The following RNF17 variants were observed in gnomAD, a reference collection of about 807,000 sequenced individuals.
The protein encoded by RNF17 is spermatogenesis associated 23.
Under a neutral mutation model 200.5 loss-of-function variants are expected in RNF17, and 31 were observed. The ratio of observed to expected loss-of-function variants is 0.15; its 90% CI spans 0.12 to 0.21. The LOEUF (loss-of-function observed/expected upper bound fraction) is 0.21, where lower values mean the gene tolerates loss of function less well. RNF17 is among the 10% of genes least tolerant of loss of function. RNF17 has a pLI of 1.00. For missense variants in RNF17, 1,628 were observed against 1,905.1 expected, an observed-to-expected ratio of 0.85 and a Z score of 2.71; for synonymous variants, 606 against 637.8, an observed-to-expected ratio of 0.95 and a Z score of 0.75.
At chr13:24,886,194 T>C in the RNF17 span, 4 of 676,876 alleles carry the variant, frequency 5.9e-6, no homozygotes, top group Non-Finnish European at 9.3e-6. Flanking sequence ...TGCCAGTATT[T>C]TCATCCTATG....
chr13:24,801,045 C>T (rs1885192340), intron 13 of RNF17, among the ~76,000 whole-genome samples: 2 of 152,216 alleles, frequency 1.3e-5, no homozygotes, highest in South Asian at 2.1e-4. Context: ...TCGTTGTATT[C>T]CCAGCATTTA....
At chr13:24,884,258 ACAGT>A (rs1953943952), downstream of RNF17, 1 of 1,614,126 alleles carries the variant, frequency 6.2e-7, no homozygotes, top group South Asian at 1.1e-5. Flanking sequence ...GTAAAGACAC[ACAGT>A]CAGTCTGCCT....
At chr13:24,834,182 G>C (rs1355670722) in intron 18 of RNF17, among the ~76,000 whole-genome samples, 2 of 151,856 alleles carry the variant, frequency 1.3e-5, no homozygotes, top group Non-Finnish European at 2.9e-5. Flanking sequence ...AGAGGCGGGT[G>C]GATCACCTGA....
chr13:24,861,073 C>T (rs921898228), intron 26 of RNF17, among the ~76,000 whole-genome samples, 195 bp from the exon 27 acceptor site: 3 of 151,944 alleles, frequency 2.0e-5, no homozygotes, highest in Non-Finnish European at 4.4e-5. Flanking sequence ...GAGATGGGGT[C>T]TTGCCGTGTT....
At chr13:24,849,510 A>C (rs561091665) in intron 22 of RNF17, among the ~76,000 whole-genome samples, 1 of 152,196 alleles carries the variant, frequency 6.6e-6, no homozygotes, top group Admixed American at 6.5e-5. Flanking sequence ...GTGGCCCAAA[A>C]TAATTCTTCC....
At chr13:24,787,877 A>G in intron 6 of RNF17, 111 bp from the exon 7 acceptor site, 1 of 744,478 alleles carries the variant, frequency 1.3e-6, no homozygotes, top group Non-Finnish European at 2.1e-6. Context: ...ATTTAACCAT[A>G]TTATGTAAAA....
At chr13:24,756,234 A>G in the RNF17 span, among the ~76,000 whole-genome samples, 2 of 152,202 alleles carry the variant, frequency 1.3e-5, no homozygotes, top group African/African-American at 4.8e-5. Context: ...AGACATTATT[A>G]GCTAACTGAT....
downstream of RNF17, chr13:24,883,091 CAAT>C (rs747303248): frequency 1.8e-4 from 218 of 1,216,708 alleles, 2 homozygotes; most frequent in Middle Eastern, 5.9e-4. Context: ...CACACATACA[CAAT>C]AAATTAAACA....
intron 15 of RNF17, among the ~76,000 whole-genome samples, chr13:24,823,962 G>A (rs534129030): frequency 5.3e-5 from 8 of 152,244 alleles, no homozygotes; most frequent in Admixed American, 2.6e-4. Flanking sequence ...GGTATCTCCC[G>A]GACTTAGGAT....
At chr13:24,762,617 A>T (rs1167586753), upstream of RNF17, among the ~76,000 whole-genome samples, 2 of 152,154 alleles carry the variant, frequency 1.3e-5, no homozygotes, top group Admixed American at 1.3e-4. Context: ...AATTACAAAG[A>T]TTTTTGAGCC....
intron 7 of RNF17, among the ~76,000 whole-genome samples, chr13:24,788,941 G>A (rs1883483976): frequency 6.6e-6 from 1 of 152,092 alleles, no homozygotes; most frequent in Non-Finnish European, 1.5e-5. Flanking sequence ...AGGTGTCCCA[G>A]GCTTTAGTTC....
At chr13:24,886,365 T>C in the RNF17 span, 3 of 1,289,084 alleles carry the variant, frequency 2.3e-6, no homozygotes, top group Non-Finnish European at 3.0e-6. Flanking sequence ...CTGCTGGGCG[T>C]GTGAGGCGGC....
intron 18 of RNF17, among the ~76,000 whole-genome samples, chr13:24,839,051 A>G (rs986372724): frequency 6.6e-6 from 1 of 152,164 alleles, no homozygotes; most frequent in Non-Finnish European, 1.5e-5. Flanking sequence ...GAATCAAATC[A>G]AGAACTCAAC....
chr13:24,853,157 T>C (rs1216511907), intron 24 of RNF17, among the ~76,000 whole-genome samples: 9 of 152,112 alleles, frequency 5.9e-5, no homozygotes, highest in Non-Finnish European at 1.0e-4. Context: ...CAGGTGATCT[T>C]CCTGCCTCAG....
chr13:24,868,427 G>A (rs554936881), intron 30 of RNF17, among the ~76,000 whole-genome samples, 173 bp from the exon 31 acceptor site: 32 of 113,924 alleles, frequency 2.8e-4, no homozygotes, highest in Admixed American at 1.7e-3. Flanking sequence ...CCGAGATCCC[G>A]CCACTGCACT....
chr13:24,852,366 C>T (rs1310824583), intron 24 of RNF17, among the ~76,000 whole-genome samples: 4 of 152,088 alleles, frequency 2.6e-5, no homozygotes, highest in Non-Finnish European at 4.4e-5. Flanking sequence ...CCTCGATCTC[C>T]TGACCTCGTG....
chr13:24,790,021 AAC>A (rs1282593287), intron 9 of RNF17, among the ~76,000 whole-genome samples: 1 of 152,170 alleles, frequency 6.6e-6, no homozygotes, highest in Non-Finnish European at 1.5e-5. Flanking sequence ...GCTAGGCACT[AAC>A]ACCCTAGATA....
At chr13:24,759,665 A>G (rs1157864641), upstream of RNF17, among the ~76,000 whole-genome samples, 3 of 152,218 alleles carry the variant, frequency 2.0e-5, no homozygotes, top group Non-Finnish European at 4.4e-5. Context: ...AATGGGCAGA[A>G]ATCTCAGAAG....
Position 24,870,888 on chromosome 13 carries a change from A to G in RNF17, c.4447+149A>G, listed in dbSNP as rs1345797287. The G allele has an allele frequency of 1.1e-5, 6 of 567,260 alleles. No individual in the cohort carries two copies. The East Asian group carries it at 1.5e-4, about 14-fold the overall frequency. 35.1% of individuals were successfully genotyped at this position (567,260 alleles called of 1,614,324 possible). The stretch of plus-strand genomic sequence containing the variant: ...ATTTCCTGTAATCCTCAAGATACCC[A>G]GAAGATGACTTCTTTCTCATTTTCT... On this transcript the variant is annotated intron_variant, in intron 32 of 35. Transcript: ENST00000255324.
Sources: allele counts gnomAD v4.1 joint callset (sites outside exome capture counted in the v4.1 genomes callset), GRCh38; gene constraint gnomAD v4.1.1; transcripts MANE v1.5; gene names NCBI Gene and HGNC (gene_info 2026-07-23, HGNC 2026-07-21).